Variants in GAK observed in about 807,000 individuals in gnomAD.
GAK encodes cyclin G associated kinase.
A neutral mutation model predicts 143.9 loss-of-function variants in GAK; 79 were observed. That is an observed-to-expected ratio of 0.55 (90% CI 0.46 to 0.66). GAK has a LOEUF of 0.66. GAK is among the 30% of genes least tolerant of loss of function. The probability of loss-of-function intolerance (pLI) is 0.00; values close to 1 mark genes in which losing one functional copy is unlikely to be tolerated. For missense variants in GAK, 1,693 were observed against 1,779.7 expected, an observed-to-expected ratio of 0.95 and a Z score of 0.88; for synonymous variants, 881 against 765.5, an observed-to-expected ratio of 1.15 and a Z score of -2.49.
At position 859,413 on chromosome 4, in the gene GAK, T is replaced by G. The variant is rs754463979; in HGVS notation, c.3283+193A>C. 6 of 1,539,492 alleles carry G rather than the reference T, an allele frequency of 3.9e-6. No individual in the cohort carries two copies. In the African/African-American group the frequency reaches 6.8e-5, roughly 17 times the overall value. ...GTGCCAGTGTCAGCAACTCCCGGTT[T>G]TAGCTTGCCAGTTGGCAGTCGCCTG... On this transcript the variant is annotated intron_variant, in intron 24 of 27. Coordinates refer to ENST00000314167, the MANE Select transcript of GAK (RefSeq NM_005255.4).
At chr4:903,848 C>T (rs972811052) in intron 5 of GAK, among the ~76,000 whole-genome samples, 8 of 152,118 alleles carry the variant, frequency 5.3e-5, no homozygotes, top group African/African-American at 1.9e-4. Context: ...GTATTCCAGA[C>T]GGAAGCTCCA....
chr4:877,122 G>C lies in GAK; in HGVS notation c.1942C>G (p.Arg648Gly), dbSNP rs748015269. 1 of 1,613,604 alleles carries C rather than the reference G, an allele frequency of 6.2e-7. No homozygotes were observed. Among genetic ancestry groups the C allele is most frequent in the Non-Finnish European group, 8.5e-7 (1 of 1,179,710 alleles). The change falls in exon 17 of 28, where the codon CGG becomes GGG. Residue 648 changes from arginine (R) to glycine (G), a missense_variant. Around this residue, in one of 2 missense-constraint regions of GAK, gnomAD observed 871 missense variants for 991.0 expected, o/e 0.88. Transcript: ENST00000314167. ...TGCAGCCGGCCGCCCAGAGTGGACCGGGCGTGATAGATGACGATGAGCACG... is the reference window on the plus strand; with the variant it reads ...TGCAGCCGGCCGCCCAGAGTGGACCCGGCGTGATAGATGACGATGAGCACG... ...GDVLIVIYHA[R>G]STLGGRLQAK...
At chr4:919,939 C>G (rs1164758397) in intron 1 of GAK, among the ~76,000 whole-genome samples, 1 of 152,138 alleles carries the variant, frequency 6.6e-6, no homozygotes, top group Non-Finnish European at 1.5e-5. Flanking sequence ...TCACCTGAAC[C>G]CAGGAGTTTG....
chr4:931,030 C>T (rs1725631564), intron 1 of GAK, among the ~76,000 whole-genome samples: 1 of 152,182 alleles, frequency 6.6e-6, no homozygotes, highest in African/African-American at 2.4e-5. Flanking sequence ...GTTACGCTTC[C>T]GCACCCAAGT....
chr4:868,918 T>TGAACACGCACAAG (rs1711674121), intron 19 of GAK: 1 of 538,050 alleles, frequency 1.9e-6, no homozygotes, highest in East Asian at 3.1e-5. Flanking sequence ...CACGCACACA[T>TGAACACGCACAAG]GAACACGCAC....
At chr4:882,103 TC>T in intron 14 of GAK, 63 bp from the exon 15 acceptor site, 2 of 1,500,162 alleles carry the variant, frequency 1.3e-6, no homozygotes, top group Non-Finnish European at 1.8e-6. Context: ...GCTCGCGGGG[TC>T]CTCGGGCATC....
At chr4:903,326 G>A (rs540023798) in intron 5 of GAK, among the ~76,000 whole-genome samples, 1 of 152,376 alleles carries the variant, frequency 6.6e-6, no homozygotes, top group African/African-American at 2.4e-5. Flanking sequence ...ATGGGCAGGA[G>A]AGTCTGCCGG....
At chr4:866,230 G>A (rs972405913) in intron 22 of GAK, 134 bp downstream of exon 22, 52 of 857,084 alleles carry the variant, frequency 6.1e-5, no homozygotes, top group African/African-American at 1.2e-4. Flanking sequence ...TGCTTGGGCC[G>A]CAAGGAGCGC....
chr4:898,103 C>G lies in GAK; in HGVS notation c.581G>C (p.Ser194Thr). The G allele has an allele frequency of 6.2e-7, 1 of 1,614,220 alleles. No homozygotes were observed. The highest frequency in any genetic ancestry group is 8.5e-7 in the Non-Finnish European group (1 of 1,180,026). The change falls in exon 6 of 28, where the codon AGT becomes ACT. Residue 194 changes from serine (S) to threonine (T), a missense_variant. Physicochemically the swap from Ser to Thr is moderately conservative, Grantham distance 58 (BLOSUM62 1). Coordinates refer to ENST00000314167, the MANE Select transcript of GAK (RefSeq NM_005255.4). ...AGGGTAGTGCGAGATGGTCGTGGCA[C>G]TGCCAAAGTCACACAGCTTAATGGT... ...QGTIKLCDFGSATTISHYPDY... is the reference protein window; with the variant it reads ...QGTIKLCDFGTATTISHYPDY...
At chr4:895,218 C>T (rs950074688) in intron 7 of GAK, among the ~76,000 whole-genome samples, 6 of 152,212 alleles carry the variant, frequency 3.9e-5, no homozygotes, top group Admixed American at 6.5e-5. Flanking sequence ...AAGCAGCCTC[C>T]TCAGTCTGCT....
intron 9 of GAK, among the ~76,000 whole-genome samples, 192 bp from the exon 10 acceptor site, chr4:890,814 C>T (rs1465251179): frequency 6.6e-6 from 1 of 152,242 alleles, no homozygotes; most frequent in Non-Finnish European, 1.5e-5. Context: ...CAGCCCTCAT[C>T]CCCTCACCCC....
chr4:889,017 C>A, intron 10 of GAK, 47 bp from the exon 11 acceptor site: 1 of 1,567,554 alleles, frequency 6.4e-7, no homozygotes. Context: ...TCGGTCCCAC[C>A]TCCCCAGGTG....
intron 19 of GAK, chr4:868,977 C>T: frequency 2.4e-6 from 1 of 424,956 alleles, no homozygotes; most frequent in Non-Finnish European, 4.4e-6. Context: ...GCAGGGTACA[C>T]ATGAATGCAC....
intron 15 of GAK, among the ~76,000 whole-genome samples, chr4:878,051 A>G (rs771272782): frequency 7.9e-5 from 12 of 152,092 alleles, no homozygotes; most frequent in African/African-American, 1.4e-4. Flanking sequence ...ATATTTTTAA[A>G]TTTCTCGTGA....
intron 15 of GAK, among the ~76,000 whole-genome samples, chr4:878,355 G>GTATTGA (rs757101335): frequency 1.3e-5 from 2 of 151,472 alleles, no homozygotes; most frequent in African/African-American, 4.8e-5. Context: ...TATTCTTCTG[G>GTATTGA]TATTGATTTC....
Position 893,492 on chromosome 4 carries a change from G to C in GAK, c.878-3C>G. ...CGGGTTCACCTGCAGCATGGCGCCT[G>C]CAGCAGAAGCACAGCGCGCTCGGCC... On this transcript the variant is annotated splice_polypyrimidine_tract_variant and splice_region_variant and intron_variant, in intron 8 of 27. Coordinates refer to ENST00000314167, the MANE Select transcript of GAK (RefSeq NM_005255.4). 1 of 1,560,446 alleles carries C rather than the reference G, an allele frequency of 6.4e-7. No homozygotes were observed. The highest frequency in any genetic ancestry group is 2.3e-5 in the East Asian group (1 of 43,092).
chr4:874,796 C>G (rs759419072), intron 18 of GAK, among the ~76,000 whole-genome samples: 7 of 152,150 alleles, frequency 4.6e-5, no homozygotes, highest in Non-Finnish European at 1.0e-4. Context: ...CACTCTCTCT[C>G]TTCTCCTAGA....
Position 911,719 on chromosome 4 carries a change from T to G in GAK, c.336A>C (p.Ser112=). The part of the protein sequence containing the change: ...CSAASIGKEE[S]DTGQAEFLLL... ...AGAGGAACTCAGCCTGCCCCGTGTC[T>G]GACTCCTCTTTTCCTATAGACGCTG... The change falls in exon 4 of 28, where the codon TCA becomes TCC. Residue 112 remains serine (S), a synonymous_variant. Coordinates refer to ENST00000314167, the MANE Select transcript of GAK (RefSeq NM_005255.4). 4 of 1,614,070 alleles carry G rather than the reference T, an allele frequency of 2.5e-6. No homozygotes were observed. The highest frequency in any genetic ancestry group is 3.4e-6 in the Non-Finnish European group (4 of 1,179,936).
At chr4:870,576 C>T (rs1331436183) in intron 19 of GAK, 135 bp downstream of exon 19, 7 of 817,034 alleles carry the variant, frequency 8.6e-6, no homozygotes, top group Non-Finnish European at 1.3e-5. Flanking sequence ...AAACCTCCTG[C>T]AGCCCAAGCT....
Sources: allele counts gnomAD v4.1 joint callset (sites outside exome capture counted in the v4.1 genomes callset), GRCh38; gene constraint gnomAD v4.1.1; regional missense constraint gnomAD v4.1.1; transcripts MANE v1.5; gene names NCBI Gene and HGNC (gene_info 2026-07-23, HGNC 2026-07-21).